The following OLAH variants were observed in gnomAD, a reference collection of about 807,000 sequenced individuals.
The protein encoded by OLAH is oleoyl-ACP hydrolase, also known as S-acyl fatty acid synthase thioesterase, medium chain.
Under a neutral mutation model 27.8 loss-of-function variants are expected in OLAH, and 33 were observed. That is an observed-to-expected ratio of 1.19 (90% CI 0.90 to 1.59). The LOEUF (loss-of-function observed/expected upper bound fraction) is 1.59. Ranked by LOEUF, OLAH falls within the 40% of genes most tolerant of loss-of-function variation. The pLI is 0.00. For missense variants in OLAH, 359 were observed against 310.8 expected, an observed-to-expected ratio of 1.16 and a Z score of -1.17; for synonymous variants, 120 against 102.9, an observed-to-expected ratio of 1.17 and a Z score of -1.01.
chr10:15,059,378 T>A (rs1188263189), intron 3 of OLAH, among the ~76,000 whole-genome samples: 1 of 150,974 alleles, frequency 6.6e-6, no homozygotes, highest in African/African-American at 2.4e-5. Flanking sequence ...TTTATAGAGA[T>A]AAGGTCTCAC....
intron 1 of OLAH, among the ~76,000 whole-genome samples, chr10:15,045,663 C>G (rs1420699793): frequency 1.3e-5 from 2 of 152,180 alleles, no homozygotes; most frequent in Non-Finnish European, 2.9e-5. Flanking sequence ...AAGCTTTAAG[C>G]TGAGGGATTC....
chr10:15,035,115 T>G (rs1336457544), intron 1 of OLAH, among the ~76,000 whole-genome samples: 2 of 152,070 alleles, frequency 1.3e-5, no homozygotes, highest in African/African-American at 4.8e-5. Context: ...TTCATTGAAC[T>G]CCCAGAAGTA....
chr10:15,062,853 C>A (rs955665901), intron 4 of OLAH, among the ~76,000 whole-genome samples: 4 of 151,970 alleles, frequency 2.6e-5, no homozygotes, highest in Admixed American at 1.3e-4. Context: ...ATCCTCCCAC[C>A]TTAGCCTCTC....
chr10:15,069,582 C>T (rs1844540150), intron 6 of OLAH, among the ~76,000 whole-genome samples: 2 of 151,992 alleles, frequency 1.3e-5, no homozygotes, highest in South Asian at 4.1e-4. Context: ...AAAGAGGCTG[C>T]ATGGCTGGGC....
chr10:15,051,429 G>T (rs1483192480), intron 3 of OLAH, among the ~76,000 whole-genome samples: 1 of 152,192 alleles, frequency 6.6e-6, no homozygotes, highest in Non-Finnish European at 1.5e-5. Flanking sequence ...ATCTGAGAGG[G>T]ATTAGCCATC....
intron 1 of OLAH, among the ~76,000 whole-genome samples, chr10:15,046,445 T>A (rs1844019464): frequency 6.6e-6 from 1 of 152,126 alleles, no homozygotes; most frequent in Non-Finnish European, 1.5e-5. Context: ...AGCCTTTTTT[T>A]AGAATCCCTC....
At chr10:15,042,472 G>T (rs3763783), upstream of OLAH, among the ~76,000 whole-genome samples, 1 of 152,144 alleles carries the variant, frequency 6.6e-6, no homozygotes, top group African/African-American at 2.4e-5. Context: ...TTTTAATACA[G>T]GCATGCAATG....
chr10:15,054,396 C>T (rs779719850), intron 3 of OLAH, among the ~76,000 whole-genome samples: 6 of 152,202 alleles, frequency 3.9e-5, no homozygotes, highest in Non-Finnish European at 7.4e-5. Context: ...CTCAGTCTCT[C>T]AGTCTGCCTT....
intron 1 of OLAH, among the ~76,000 whole-genome samples, chr10:15,037,572 C>T (rs2131327181): frequency 1.2e-5 from 1 of 82,954 alleles, no homozygotes; most frequent in East Asian, 5.7e-4. Context: ...CAGAGCGAGA[C>T]TCCGTATCAA....
chr10:15,056,849 G>A (rs1189519204), intron 3 of OLAH: 2 of 1,512,856 alleles, frequency 1.3e-6, no homozygotes, highest in Non-Finnish European at 1.8e-6. Flanking sequence ...ATGTTGCCAA[G>A]GCTGGTCTCA....
intron 6 of OLAH, chr10:15,071,535 T>G (rs1844586543): frequency 1.0e-6 from 1 of 985,328 alleles, no homozygotes; most frequent in Non-Finnish European, 1.2e-6. Context: ...AGCCTTACCT[T>G]GAGTTGAACT....
rs185658658 is a variant in OLAH at position 15,032,631 on chromosome 10, A to G, written c.-164+281A>G. On this transcript the variant is annotated intron_variant, in intron 1 of 3. Coordinates refer to the OLAH transcript ENST00000413672. The stretch of plus-strand genomic sequence containing the variant: ...GTGAGACTCAGTTTCAAAAAAAAAA[A>G]AAAAAAAAGAAAAACATCGCACAGG... 7.9e-3 allele frequency among the ~76,000 whole-genome samples: 1,206 copies of G among 151,762 alleles called. 16 individuals carry two copies. The highest frequency in any genetic ancestry group is 0.028 in the African/African-American group (1,148 of 41,422).
chr10:15,068,759 T>C (rs1475102955), intron 6 of OLAH, among the ~76,000 whole-genome samples: 1 of 152,184 alleles, frequency 6.6e-6, no homozygotes, highest in African/African-American at 2.4e-5. Flanking sequence ...AAGGTAATGT[T>C]TTACACCTGA....
At chr10:15,059,148 C>T (rs1254829333) in intron 3 of OLAH, among the ~76,000 whole-genome samples, 1 of 82,422 alleles carries the variant, frequency 1.2e-5, no homozygotes, top group African/African-American at 4.9e-5. Flanking sequence ...TCTCCCCTTC[C>T]CTCCCTCTCC....
chr10:15,051,601 ATC>A (rs1844144474), intron 3 of OLAH, among the ~76,000 whole-genome samples: 1 of 152,130 alleles, frequency 6.6e-6, no homozygotes, highest in African/African-American at 2.4e-5. Flanking sequence ...CACACCTATT[ATC>A]TGTATGAAAT....
intron 5 of OLAH, 146 bp downstream of exon 5, chr10:15,064,648 G>C: frequency 3.6e-6 from 2 of 553,650 alleles, no homozygotes; most frequent in Non-Finnish European, 6.2e-6. Flanking sequence ...AAAAGCCATT[G>C]AGGTTTTTGC....
intron 3 of OLAH, 76 bp downstream of exon 3, chr10:15,049,841 T>TAA: frequency 1.4e-6 from 2 of 1,406,802 alleles, no homozygotes; most frequent in Non-Finnish European, 1.9e-6. Flanking sequence ...TGAAGTTTGG[T>TAA]CAAGACTTTC....
chr10:15,038,975 C>T (rs1028975886), upstream of OLAH, among the ~76,000 whole-genome samples: 22 of 152,102 alleles, frequency 1.4e-4, no homozygotes, highest in African/African-American at 3.4e-4. Flanking sequence ...GTAATACCAG[C>T]GCTTTGGGAA....
intron 2 of OLAH, among the ~76,000 whole-genome samples, chr10:15,049,052 G>T (rs769827378): frequency 6.2e-5 from 9 of 145,320 alleles, no homozygotes; most frequent in Non-Finnish European, 1.3e-4. Context: ...GCTGTGAGCC[G>T]ACATTACGCC....
Sources: gnomAD v4.1 joint callset for allele counts (sites outside exome capture counted in the v4.1 genomes callset) on GRCh38, gnomAD v4.1.1 for gene constraint, MANE v1.5 for transcripts, NCBI Gene and HGNC (gene_info 2026-07-23, HGNC 2026-07-21) for gene names.